SYNC: variants seen among roughly 807,000 people sequenced by gnomAD.
The protein encoded by SYNC is syncoilin, intermediate filament protein.
Under a neutral mutation model 49.5 loss-of-function variants are expected in SYNC, and 38 were observed. The ratio of observed to expected loss-of-function variants is 0.77; its 90% CI spans 0.59 to 1.01. The LOEUF (loss-of-function observed/expected upper bound fraction) is 1.01. Ranked by LOEUF, SYNC falls within the 50% of genes least tolerant of loss-of-function variation. The pLI, the probability that SYNC is intolerant of heterozygous loss-of-function variation, is 0.00. For missense variants in SYNC, 579 were observed against 580.6 expected (o/e 1.00, Z 0.03); for synonymous variants, 201 against 230.8 (o/e 0.87, Z 1.17).
At chr1:32,681,920 C>A in intron 4 of SYNC, 60 bp from the exon 5 acceptor site, 1 of 1,468,416 alleles carries the variant, frequency 6.8e-7, no homozygotes, top group Non-Finnish European at 9.5e-7. Flanking sequence ...TTACTGCAGG[C>A]TTTGTTGAGA....
In SYNC at chr1:32,680,443, C is replaced by A; in HGVS notation, c.*1407G>T. On this transcript the variant is annotated 3_prime_UTR_variant, in exon 5 of 5. Transcript: ENST00000409190. ...GACAGTTATACCACAGGTAGACTGTCAAGTTGAGAAGAGTGAATCAATAAC... is the reference window on the plus strand; with the variant it reads ...GACAGTTATACCACAGGTAGACTGTAAAGTTGAGAAGAGTGAATCAATAAC... The A allele has an allele frequency of 1.4e-6, 2 of 1,420,476 alleles. No homozygotes were observed. Among genetic ancestry groups the A allele is most frequent in the South Asian group, 1.3e-5 (1 of 74,724 alleles). 88.0% of individuals were successfully genotyped at this position (1,420,476 alleles called of 1,614,324 possible).
Position 32,701,210 on chromosome 1 carries a change from G to A in SYNC, c.53+1398C>T, listed in dbSNP as rs1246877476. ...GATTACAGGCGTGAGCCACCGCGCC[G>A]GGCCCACAATATACTTCTATCTATC... On this transcript the variant is annotated intron_variant, in intron 1 of 4. Coordinates refer to ENST00000409190, the MANE Select transcript of SYNC (RefSeq NM_030786.3). Among the ~76,000 whole-genome samples, 5 of 151,976 alleles carry A rather than the reference G, an allele frequency of 3.3e-5. 1 individual carries two copies. Among genetic ancestry groups the A allele is most frequent in the African/African-American group, 9.7e-5 (4 of 41,376 alleles).
chr1:32,681,942 C>G (rs1270253112), intron 4 of SYNC, 82 bp from the exon 5 acceptor site: 1 of 1,294,522 alleles, frequency 7.7e-7, no homozygotes, highest in East Asian at 2.3e-5. Context: ...GAGATTGTTA[C>G]AGTGTGATTT....
intron 1 of SYNC, among the ~76,000 whole-genome samples, chr1:32,698,443 T>A (rs1397125100): frequency 1.3e-5 from 2 of 152,016 alleles, no homozygotes; most frequent in Admixed American, 1.3e-4. Context: ...GGTGTGAACC[T>A]GGGAAGCGGA....
At chr1:32,698,691 A>G (rs532426902) in intron 1 of SYNC, among the ~76,000 whole-genome samples, 4 of 152,190 alleles carry the variant, frequency 2.6e-5, no homozygotes, top group Admixed American at 6.5e-5. Flanking sequence ...CTGCCAGCTC[A>G]GTCAGTTCCC....
Position 32,681,796 on chromosome 1 carries a change from C to T in SYNC, c.*54G>A, listed in dbSNP as rs374709828. The T allele has an allele frequency of 6.2e-7, 1 of 1,614,096 alleles. No homozygotes were observed. Among genetic ancestry groups the T allele is most frequent in the East Asian group, 2.2e-5 (1 of 44,882 alleles). On this transcript the variant is annotated 3_prime_UTR_variant, in exon 5 of 5. Transcript: ENST00000409190. Reference sequence around the variant, plus strand: ...GTACATCCAAAGGGTACTTAGTGATCCTTTGCTAAGAAGTTTTTTGCTGTT... The same window carrying T: ...GTACATCCAAAGGGTACTTAGTGATTCTTTGCTAAGAAGTTTTTTGCTGTT...
intron 1 of SYNC, among the ~76,000 whole-genome samples, chr1:32,701,064 C>T (rs547149794): frequency 3.9e-5 from 6 of 152,174 alleles, no homozygotes; most frequent in Non-Finnish European, 7.4e-5. Context: ...TACAGGCACA[C>T]GCCACCACGC....
chr1:32,692,374 T>C (rs1444373300), intron 2 of SYNC, among the ~76,000 whole-genome samples: 3 of 152,220 alleles, frequency 2.0e-5, no homozygotes, highest in Non-Finnish European at 4.4e-5. Context: ...ATAGTATTGA[T>C]GCTAAATAAA....
At chr1:32,694,799 T>G in intron 2 of SYNC, 66 bp downstream of exon 2, 1 of 1,451,616 alleles carries the variant, frequency 6.9e-7, no homozygotes, top group Non-Finnish European at 9.3e-7. Flanking sequence ...CCCAAAGACC[T>G]TGGACTCTGG....
At chr1:32,688,442 G>A (rs754790491) in intron 2 of SYNC, among the ~76,000 whole-genome samples, 22 of 152,086 alleles carry the variant, frequency 1.4e-4, no homozygotes, top group Admixed American at 3.3e-4. Context: ...TCAGGACAGT[G>A]CCTTATCACT....
At position 32,695,002 on chromosome 1, in the gene SYNC, C is replaced by T. The variant is rs1205096204; in HGVS notation, c.1096G>A (p.Ala366Thr). The change falls in exon 2 of 5, where the codon GCT becomes ACT. Residue 366 changes from alanine to threonine, a missense_variant. Physicochemically the swap from Ala to Thr is moderately conservative, Grantham distance 58. Coordinates refer to ENST00000409190, the MANE Select transcript of SYNC (RefSeq NM_030786.3). ...GCCTCCTTCATTTCCTGGATCTCAG[C>T]CTGGGTTCTCTGCAGAGCTTTGGTC... is the stretch of plus-strand genomic sequence containing the variant. The part of the protein sequence containing the change: ...AGTKALQRTQ[A>T]EIQEMKEALR... The T allele has an allele frequency of 1.2e-6, 2 of 1,614,050 alleles. No individual in the cohort carries two copies.
chr1:32,699,153 C>CTTTTTTTTTT (rs61577689), intron 1 of SYNC, among the ~76,000 whole-genome samples: 5 of 104,038 alleles, frequency 4.8e-5, no homozygotes, highest in Admixed American at 1.3e-4. Flanking sequence ...CTTTTCTTTT[C>CTTTTTTTTTT]TTTTTTTTTT....
At chr1:32,687,559 T>G (rs1264295399) in intron 2 of SYNC, among the ~76,000 whole-genome samples, 1 of 150,880 alleles carries the variant, frequency 6.6e-6, no homozygotes, top group African/African-American at 2.4e-5. Flanking sequence ...TAGTCCCAAC[T>G]GCTCAGGAGG....
rs1649337476 is a variant in SYNC at position 32,680,212 on chromosome 1, C to A, written c.*1638G>T. On this transcript the variant is annotated 3_prime_UTR_variant, in exon 5 of 5. Coordinates refer to ENST00000409190, the MANE Select transcript of SYNC (RefSeq NM_030786.3). ...CACATTTTCATACGTAGACCAGTTT[C>A]CTCTTGGTTTCTTCAGTTAAGTCAA... The A allele has an allele frequency of 1.7e-5, 19 of 1,126,902 alleles. No individual in the cohort carries two copies. In the Admixed American group the frequency reaches 1.9e-4, roughly 11 times the overall value. The allele number at this position is 1,126,902 out of a possible 1,614,324, so 69.8% of individuals were successfully genotyped here.
intron 1 of SYNC, among the ~76,000 whole-genome samples, chr1:32,698,906 G>A (rs1379913080): frequency 1.3e-5 from 2 of 150,612 alleles, no homozygotes; most frequent in East Asian, 2.0e-4. Flanking sequence ...TCAGCCTCCC[G>A]GGTAGCCAGG....
chr1:32,690,418 G>C (rs371588448), intron 2 of SYNC, among the ~76,000 whole-genome samples: 15 of 147,876 alleles, frequency 1.0e-4, no homozygotes, highest in African/African-American at 3.5e-4. Context: ...AGGCCGAGAC[G>C]GGTGGATCAC....
Position 32,680,273 on chromosome 1 carries a change from T to G in SYNC, c.*1577A>C. 1 of 1,236,398 alleles carries G rather than the reference T, an allele frequency of 8.1e-7. No homozygotes were observed. The allele number at this position is 1,236,398 out of a possible 1,614,324, so 76.6% of individuals were successfully genotyped here. ...TCCTCTTTCCCCATATATTCATATA[T>G]TTTTGCTCGTTAGTGTATTTCTTGA... On this transcript the variant is annotated 3_prime_UTR_variant, in exon 5 of 5. Coordinates refer to ENST00000409190, the MANE Select transcript of SYNC (RefSeq NM_030786.3).
At position 32,694,884 on chromosome 1, in the gene SYNC, T is replaced by G; in HGVS notation, c.1214A>C (p.Glu405Ala). ...GCCTACCCTGTACTGCTGCACCTCT[T>G]CATCTCGTTTTTGCCTCACAAGTGC... ...QIALVRQKRD[E>A]EVQQYREQLE... The change falls in exon 2 of 5, where the codon GAA (glutamate) becomes GCA (alanine). Residue 405 changes from glutamate to alanine, a missense_variant. Glu to Ala is a moderately radical substitution (Grantham distance 107). Transcript: ENST00000409190. The G allele has an allele frequency of 6.2e-7, 1 of 1,608,782 alleles. No individual in the cohort carries two copies. Among genetic ancestry groups the G allele is most frequent in the Non-Finnish European group, 8.5e-7 (1 of 1,177,956 alleles).
At chr1:32,699,931 A>C (rs1302634327) in intron 1 of SYNC, among the ~76,000 whole-genome samples, 1 of 151,692 alleles carries the variant, frequency 6.6e-6, no homozygotes, top group Non-Finnish European at 1.5e-5. Context: ...ACAGGGTTTC[A>C]CCATCTTGGT....
Sources: gnomAD v4.1 joint callset for allele counts (sites outside exome capture counted in the v4.1 genomes callset) on GRCh38, gnomAD v4.1.1 for gene constraint, MANE v1.5 for transcripts, NCBI Gene and HGNC (gene_info 2026-07-23, HGNC 2026-07-21) for gene names.